The following TCF4 variants were observed in gnomAD, a reference collection of about 807,000 sequenced individuals.
TCF4 encodes SL3-3 enhancer factor 2.
Under a neutral mutation model 82.1 loss-of-function variants are expected in TCF4, and 3 were observed. The ratio of observed to expected loss-of-function variants is 0.04; its 90% confidence interval spans 0.02 to 0.09. The LOEUF is 0.09. Ranked by LOEUF, TCF4 falls within the 10% of genes least tolerant of loss-of-function variation. TCF4 has a pLI of 1.00. For synonymous variants in TCF4, 276 were observed against 309.6 expected (o/e 0.89, Z 1.14); for missense variants, 518 against 852.7 (o/e 0.61, Z 4.89).
intron 6 of TCF4, among the ~76,000 whole-genome samples, chr18:55,399,385 A>C (rs1296575830): frequency 6.6e-6 from 1 of 152,210 alleles, no homozygotes; most frequent in Non-Finnish European, 1.5e-5. Flanking sequence ...AAATTCCATT[A>C]GTCATTTTAA....
chr18:55,470,604 A>T (rs931164237), intron 3 of TCF4, among the ~76,000 whole-genome samples: 1 of 152,170 alleles, frequency 6.6e-6, no homozygotes, highest in Admixed American at 6.5e-5. Flanking sequence ...TTTCAGCTTG[A>T]TTTGAAATAA....
chr18:55,470,317 G>T (rs2096146033), intron 3 of TCF4, among the ~76,000 whole-genome samples: 1 of 152,086 alleles, frequency 6.6e-6, no homozygotes, highest in South Asian at 2.1e-4. Flanking sequence ...TCCTTGTTCT[G>T]CTAAACAGGT....
At chr18:55,573,015 T>C (rs2097489632) in intron 3 of TCF4, among the ~76,000 whole-genome samples, 1 of 151,782 alleles carries the variant, frequency 6.6e-6, no homozygotes, top group Non-Finnish European at 1.5e-5. Flanking sequence ...ACCGCGCCAT[T>C]GCACTCCAGC....
intron 2 of TCF4, among the ~76,000 whole-genome samples, chr18:55,604,058 T>C (rs1461406989): frequency 6.6e-6 from 1 of 152,144 alleles, no homozygotes. Flanking sequence ...CACTGGCACA[T>C]AGAACAGTCC....
chr18:55,391,149 CCAGT>C (rs1486800282), intron 6 of TCF4, among the ~76,000 whole-genome samples: 4 of 152,134 alleles, frequency 2.6e-5, no homozygotes, highest in Admixed American at 2.6e-4. Flanking sequence ...TTGTATTGTA[CCAGT>C]CACTCTACAC....
upstream of TCF4, chr18:55,589,521 A>G (rs1237356670): frequency 2.8e-6 from 3 of 1,053,012 alleles, no homozygotes; most frequent in Non-Finnish European, 3.4e-6. Flanking sequence ...CCCTCCCCCA[A>G]AAAAGAAATC....
chr18:55,415,669 T>C (rs2094501504), intron 5 of TCF4, among the ~76,000 whole-genome samples: 1 of 152,310 alleles, frequency 6.6e-6, no homozygotes, highest in Non-Finnish European at 1.5e-5. Flanking sequence ...TTAACAGATA[T>C]TTCTTAGCTG....
At chr18:55,321,952 G>T in intron 8 of TCF4, 1 of 1,358,302 alleles carries the variant, frequency 7.4e-7, no homozygotes, top group Non-Finnish European at 9.5e-7. Flanking sequence ...GGAGCTGGAA[G>T]GCAGCCCGGC....
intron 5 of TCF4, among the ~76,000 whole-genome samples, chr18:55,407,806 T>C (rs1416964568): frequency 6.6e-6 from 1 of 152,230 alleles, no homozygotes; most frequent in Non-Finnish European, 1.5e-5. Context: ...TATATTCTTG[T>C]ATTATCAGCC....
intron 2 of TCF4, among the ~76,000 whole-genome samples, chr18:55,621,968 T>C (rs1437276329): frequency 7.9e-6 from 1 of 127,246 alleles, no homozygotes; most frequent in Non-Finnish European, 1.6e-5. Flanking sequence ...ATACACTATA[T>C]ATTATATATT....
intron 8 of TCF4, among the ~76,000 whole-genome samples, chr18:55,296,496 C>T (rs1207856483): frequency 1.3e-5 from 2 of 152,170 alleles, no homozygotes; most frequent in Non-Finnish European, 2.9e-5. Flanking sequence ...GGGTGAGAGT[C>T]TATGATCGGG....
chr18:55,486,782 C>A (rs1343938391), intron 3 of TCF4, among the ~76,000 whole-genome samples: 2 of 152,142 alleles, frequency 1.3e-5, no homozygotes, highest in Non-Finnish European at 2.9e-5. Flanking sequence ...AAGAGTGAGT[C>A]TAACAAAGTC....
chr18:55,440,114 T>G (rs2095412470), intron 5 of TCF4, among the ~76,000 whole-genome samples: 1 of 152,146 alleles, frequency 6.6e-6, no homozygotes, highest in South Asian at 2.1e-4. Context: ...CTGTTTCCAC[T>G]CTGGGTGGTG....
intron 8 of TCF4, among the ~76,000 whole-genome samples, chr18:55,343,028 G>A (rs1164718631): frequency 6.6e-6 from 1 of 152,046 alleles, no homozygotes; most frequent in African/African-American, 2.4e-5. Context: ...TAGACACTTA[G>A]GTATTCTTTC....
intron 3 of TCF4, among the ~76,000 whole-genome samples, chr18:55,538,997 T>C (rs1265457856): frequency 6.6e-6 from 1 of 151,006 alleles, no homozygotes; most frequent in Admixed American, 6.6e-5. Context: ...GTTCAAATAA[T>C]ACACTCCTCC....
intron 8 of TCF4, among the ~76,000 whole-genome samples, chr18:55,285,014 T>C (rs2063385168): frequency 6.6e-6 from 1 of 152,230 alleles, no homozygotes; most frequent in Non-Finnish European, 1.5e-5. Context: ...TTAATATTTT[T>C]TGAAGGACAT....
intron 15 of TCF4, among the ~76,000 whole-genome samples, chr18:55,252,469 G>A (rs547749562): frequency 1.3e-5 from 2 of 151,470 alleles, no homozygotes; most frequent in Non-Finnish European, 2.9e-5. Context: ...TCTCACTTTC[G>A]GTTCTACTGA....
At chr18:55,585,691 A>C in intron 2 of TCF4, 1 of 980,522 alleles carries the variant, frequency 1.0e-6, no homozygotes, top group Non-Finnish European at 1.3e-6. Context: ...CACCAAGGAG[A>C]AGAAAAAAGT....
intron 8 of TCF4, among the ~76,000 whole-genome samples, chr18:55,326,498 C>A (rs1037758913): frequency 6.6e-6 from 1 of 150,656 alleles, no homozygotes; most frequent in Non-Finnish European, 1.5e-5. Context: ...AAATACAGCA[C>A]CATGCTAAAC....
Sources: allele counts gnomAD v4.1 joint callset (sites outside exome capture counted in the v4.1 genomes callset), GRCh38; gene constraint gnomAD v4.1.1; transcripts MANE v1.5; gene names NCBI Gene and HGNC (gene_info 2026-07-23, HGNC 2026-07-21).